Variants in TMC5 observed in about 807,000 individuals in gnomAD.
The protein encoded by TMC5 is transmembrane channel like 5, also known as transmembrane channel-like protein 5.
TMC5 carries 86 observed loss-of-function variants against 110.5 expected under a neutral mutation model. The observed-to-expected ratio is 0.78, with a 90% CI of 0.65 to 0.93. TMC5 has a LOEUF of 0.93. Among genes scored for constraint, TMC5 ranks in the 40% least tolerant of loss-of-function variants. The probability of loss-of-function intolerance (pLI) is 0.00; values close to 1 mark genes in which losing one functional copy is unlikely to be tolerated. For missense variants in TMC5, 1,144 were observed against 1,222.8 expected, an observed-to-expected ratio of 0.94 and a Z score of 0.96; for synonymous variants, 455 against 439.5, an observed-to-expected ratio of 1.04 and a Z score of -0.44.
Position 19,440,822 on chromosome 16 carries a change from AG to A in TMC5, c.788+1del. The part of the protein sequence containing the change: ...YGSSETPKMT[R>X]GVLSRTSSIQ... Reference sequence around the variant, plus strand: ...CTCTTCTGAGACCCCAAAGATGACCAGGGGGTAAGTTCAGATATATATCCCT... The same window carrying A: ...CTCTTCTGAGACCCCAAAGATGACCAGGGGTAAGTTCAGATATATATCCCT... On this transcript the variant is annotated frameshift_variant, in exon 3 of 22. Coordinates refer to ENST00000542583, the MANE Select transcript of TMC5 (RefSeq NM_001261841.2). LOFTEE classifies it high-confidence loss of function. 1.2e-6 allele frequency: 2 copies of A among 1,612,208 alleles called. No homozygotes were observed. The highest frequency in any genetic ancestry group is 1.3e-5 in the African/African-American group (1 of 75,006).
At chr16:19,456,340 A>G (rs947645786) in intron 5 of TMC5, 1 of 369,004 alleles carries the variant, frequency 2.7e-6, no homozygotes, top group Admixed American at 5.5e-5. Context: ...ATAAAAAAAA[A>G]TCTTGCCCTT....
chr16:19,493,490 T>G (rs1392629224), intron 19 of TMC5, among the ~76,000 whole-genome samples: 20 of 151,196 alleles, frequency 1.3e-4, no homozygotes, highest in Admixed American at 1.2e-3. Flanking sequence ...AGACAGAATC[T>G]CACTGTGTCT....
In TMC5 at chr16:19,494,416, A is replaced by C. The variant is rs756313195; in HGVS notation, c.2931+50A>C. The C allele has an allele frequency of 3.7e-6, 5 of 1,340,656 alleles. No individual in the cohort carries two copies. The South Asian group carries it at 4.8e-5, about 13-fold the overall frequency. 83.0% of individuals were successfully genotyped at this position (1,340,656 alleles called of 1,614,324 possible). On this transcript the variant is annotated intron_variant, in intron 20 of 21. Transcript: ENST00000542583. ...ACCCCTGGGACACGAGCTTGCCTCC[A>C]TGTAAAAAGCGCGTCAGAGAACTAC...
intron 7 of TMC5, 148 bp downstream of exon 7, chr16:19,463,515 G>GGT: frequency 1.2e-6 from 1 of 833,952 alleles, no homozygotes. Context: ...GGAAAAGCGA[G>GGT]GTGGGCATGG....
At position 19,436,278 on chromosome 16, in the gene TMC5, A is replaced by AAAAAAAAAAAG. The variant is rs769628493; in HGVS notation, c.-79-3676_-79-3675insAAAAGAAAAAA. Among the ~76,000 whole-genome samples the AAAAAAAAAAAG allele has an allele frequency of 1.4e-4, 21 of 151,192 alleles. No homozygotes were observed. In the East Asian group the frequency reaches 2.5e-3, roughly 18 times the overall value. On this transcript the variant is annotated intron_variant, in intron 2 of 21. Transcript: ENST00000542583. ...GCAAAAGTTCGTCTCAAAAAGAAAA[A>AAAAAAAAAAAG]AAAAAAGAAAGGAAAAAGAAAAAGA...
chr16:19,475,588 C>A (rs149172948), intron 12 of TMC5, among the ~76,000 whole-genome samples: 1 of 152,228 alleles, frequency 6.6e-6, no homozygotes, highest in East Asian at 1.9e-4. Context: ...CGTCACAGAC[C>A]TCCTAAGCGT....
chr16:19,463,817 T>C lies in TMC5; in HGVS notation c.1278T>C (p.Asn426=). ...AGAACAGCCTGTCGGAAATTCTGAATTCCATCAGCCTGTGGCAGAAGACGC... is the reference window on the plus strand; with the variant it reads ...AGAACAGCCTGTCGGAAATTCTGAACTCCATCAGCCTGTGGCAGAAGACGC... ...RSKNSLSEIL[N]SISLWQKTLK... Residue 426 remains asparagine, a synonymous_variant, in exon 8 of 22, where the codon AAT becomes AAC. Coordinates refer to ENST00000542583, the MANE Select transcript of TMC5 (RefSeq NM_001261841.2). 6.2e-7 allele frequency: 1 copy of C among 1,614,170 alleles called. No homozygotes were observed. Among genetic ancestry groups the C allele is most frequent in the South Asian group, 1.1e-5 (1 of 91,080 alleles).
intron 5 of TMC5, among the ~76,000 whole-genome samples, chr16:19,456,161 C>T (rs531157466): frequency 2.6e-4 from 39 of 151,552 alleles, no homozygotes; most frequent in African/African-American, 7.5e-4. Flanking sequence ...GAGCTGAGAT[C>T]GCGCCACTGC....
intron 17 of TMC5, among the ~76,000 whole-genome samples, chr16:19,489,221 G>A (rs1968824357): frequency 6.6e-6 from 1 of 152,208 alleles, no homozygotes; most frequent in African/African-American, 2.4e-5. Flanking sequence ...ACCCAGGCAG[G>A]AATGCAGGGG....
Position 19,472,256 on chromosome 16 carries a change from A to G in TMC5, c.1938+13A>G. On this transcript the variant is annotated intron_variant, in intron 11 of 21. Transcript: ENST00000542583. ...GTACAACTTAGAGGTAACCAACACC[A>G]GGGTCCAGGGCAGAGAGAACCAGGT... 1.2e-6 allele frequency: 2 copies of G among 1,613,024 alleles called. No individual in the cohort carries two copies. Among genetic ancestry groups the G allele is most frequent in the Non-Finnish European group, 1.7e-6 (2 of 1,179,600 alleles).
At chr16:19,489,805 T>G (rs1269171055) in intron 17 of TMC5, among the ~76,000 whole-genome samples, 2 of 151,878 alleles carry the variant, frequency 1.3e-5, no homozygotes, top group African/African-American at 2.4e-5. Context: ...CTTTTTTTTT[T>G]TCAGACAGGG....
chr16:19,412,952 T>A (rs1966859972), upstream of TMC5, among the ~76,000 whole-genome samples: 1 of 152,138 alleles, frequency 6.6e-6, no homozygotes. Context: ...CAAGCGATCC[T>A]CCCACCTCAG....
At chr16:19,486,899 C>T (rs1968756543) in intron 15 of TMC5, 46 bp from the exon 16 acceptor site, 2 of 1,559,862 alleles carry the variant, frequency 1.3e-6, no homozygotes, top group African/African-American at 1.4e-5. Context: ...ACCCCGACTC[C>T]TTGTGTCTCC....
At chr16:19,472,391 T>A in intron 11 of TMC5, 148 bp downstream of exon 11, 1 of 869,050 alleles carries the variant, frequency 1.2e-6, no homozygotes, top group Non-Finnish European at 1.7e-6. Flanking sequence ...AATGCAGGGG[T>A]GAGGCACAGT....
At chr16:19,457,967 GC>G (rs1297852486) in intron 5 of TMC5, among the ~76,000 whole-genome samples, 1 of 151,658 alleles carries the variant, frequency 6.6e-6, no homozygotes, top group Non-Finnish European at 1.5e-5. Flanking sequence ...CAGGTGATCT[GC>G]CCACCTTGAC....
At chr16:19,475,802 CTTTTTT>C (rs1032784346) in intron 12 of TMC5, among the ~76,000 whole-genome samples, 2 of 127,358 alleles carry the variant, frequency 1.6e-5, no homozygotes, top group African/African-American at 3.0e-5. Context: ...AATTTTCTTT[CTTTTTT>C]TTTTTTTTTT....
chr16:19,469,412 A>G (rs1968268582), intron 9 of TMC5, among the ~76,000 whole-genome samples: 1 of 152,080 alleles, frequency 6.6e-6, no homozygotes, highest in Admixed American at 6.6e-5. Context: ...CTCTACAGAT[A>G]TGGAAACTGA....
intron 9 of TMC5, 121 bp downstream of exon 9, chr16:19,466,354 C>G: frequency 9.7e-7 from 1 of 1,032,382 alleles, no homozygotes; most frequent in Non-Finnish European, 1.4e-6. Flanking sequence ...CCTCTCCTCT[C>G]TTTTCTTTTC....
chr16:19,440,803 T>C lies in TMC5; in HGVS notation c.765T>C (p.Ser255=). 1 of 1,613,458 alleles carries C rather than the reference T, an allele frequency of 6.2e-7. No homozygotes were observed. Among genetic ancestry groups the C allele is most frequent in the Non-Finnish European group, 8.5e-7 (1 of 1,179,872 alleles). ...AGAATGGTCATGATTATGGCTCTTC[T>C]GAGACCCCAAAGATGACCAGGGGGT... is the stretch of plus-strand genomic sequence containing the variant. ...DAENGHDYGS[S]ETPKMTRGVL... Residue 255 remains serine, a synonymous_variant, in exon 3 of 22, where the codon TCT becomes TCC. Coordinates refer to ENST00000542583, the MANE Select transcript of TMC5 (RefSeq NM_001261841.2).
Sources: allele counts gnomAD v4.1 joint callset (sites outside exome capture counted in the v4.1 genomes callset), GRCh38; gene constraint gnomAD v4.1.1; transcripts MANE v1.5; gene names NCBI Gene and HGNC (gene_info 2026-07-23, HGNC 2026-07-21).